The following CSMD1 variants were observed in gnomAD, a reference collection of about 807,000 sequenced individuals.
CSMD1 encodes CUB and Sushi multiple domains 1.
In CSMD1, 213 loss-of-function variants were observed where a neutral mutation model predicts 417.5. The observed-to-expected ratio is 0.51, with a 90% CI of 0.46 to 0.57. The LOEUF is 0.57. Ranked by LOEUF, CSMD1 falls within the 20% of genes least tolerant of loss-of-function variation. The pLI is 0.00. For missense variants in CSMD1, 6,923 were observed against 4,529.7 expected (o/e 1.53, Z -15.17); for synonymous variants, 2,862 against 1,736.8 (o/e 1.65, Z -16.11).
chr8:3,303,886 A>C (rs992698891), intron 25 of CSMD1, among the ~76,000 whole-genome samples: 11 of 151,998 alleles, frequency 7.2e-5, no homozygotes, highest in African/African-American at 2.7e-4. Context: ...TACATGTTAA[A>C]ATTAGAAATT....
chr8:4,664,550 G>A (rs1455163550), intron 1 of CSMD1, among the ~76,000 whole-genome samples: 2 of 152,138 alleles, frequency 1.3e-5, no homozygotes, highest in Non-Finnish European at 2.9e-5. Flanking sequence ...AATACAGCAA[G>A]AGCGTGTCTT....
chr8:3,196,940 A>G (rs1796737995), intron 33 of CSMD1, among the ~76,000 whole-genome samples: 1 of 152,102 alleles, frequency 6.6e-6, no homozygotes, highest in African/African-American at 2.4e-5. Context: ...TCCCTTTCTG[A>G]AGGGTCACTG....
rs181786408 is a variant in CSMD1, at chr8:3,024,465, G to A, written c.7855+4854C>T. On this transcript the variant is annotated intron_variant, in intron 51 of 69. Coordinates refer to ENST00000635120, the MANE Select transcript of CSMD1 (RefSeq NM_033225.6). ...GGATCACAGGTACATGCCACCACAC[G>A]GGACTAATTTTTGTATTTTTTAGTA... is the stretch of plus-strand genomic sequence containing the variant. Among the ~76,000 whole-genome samples, 450 of 152,032 alleles carry A rather than the reference G, an allele frequency of 3.0e-3. 2 individuals carry two copies. The highest frequency in any genetic ancestry group is 6.5e-3 in the Admixed American group (100 of 15,274).
At chr8:3,691,953 C>G (rs1387308463) in intron 7 of CSMD1, among the ~76,000 whole-genome samples, 3 of 152,166 alleles carry the variant, frequency 2.0e-5, no homozygotes, top group Non-Finnish European at 4.4e-5. Flanking sequence ...CAAGAGCTCT[C>G]ATTTCACTCC....
At chr8:4,132,674 A>G (rs2130985918) in intron 3 of CSMD1, among the ~76,000 whole-genome samples, 1 of 152,280 alleles carries the variant, frequency 6.6e-6, no homozygotes, top group South Asian at 2.1e-4. Flanking sequence ...GACAAACCTG[A>G]TGAGCCTCGC....
chr8:3,300,420 C>G (rs949468573), intron 25 of CSMD1, among the ~76,000 whole-genome samples: 3 of 151,982 alleles, frequency 2.0e-5, no homozygotes, highest in East Asian at 1.9e-4. Flanking sequence ...AACCATAAAC[C>G]ATGCCAAAGA....
chr8:3,743,153 C>T (rs1201837695), intron 6 of CSMD1, among the ~76,000 whole-genome samples: 3 of 152,144 alleles, frequency 2.0e-5, no homozygotes, highest in East Asian at 1.9e-4. Flanking sequence ...CTTCAGGCTC[C>T]AAAAGCCAGC....
rs191576879 is a variant in CSMD1 at position 4,180,936 on chromosome 8, C to G, written c.416-148837G>C. ...AATTTTCAAGGTGCCAAAATTGCCC[C>G]ACTCTGTTAATTAAGCCGGGGATGA... On this transcript the variant is annotated intron_variant, in intron 3 of 69. Transcript: ENST00000635120. Among the ~76,000 whole-genome samples, 407 of 152,192 alleles carry G rather than the reference C, an allele frequency of 2.7e-3. 2 individuals carry two copies. Among genetic ancestry groups the G allele is most frequent in the African/African-American group, 9.2e-3 (384 of 41,536 alleles).
chr8:4,579,363 T>A (rs1799302605), intron 2 of CSMD1, among the ~76,000 whole-genome samples: 2 of 151,744 alleles, frequency 1.3e-5, no homozygotes, highest in African/African-American at 4.8e-5. Flanking sequence ...TGTGTGTGTG[T>A]GTTTGTGTAT....
intron 3 of CSMD1, among the ~76,000 whole-genome samples, chr8:4,363,743 C>T (rs1020744612): frequency 6.6e-6 from 1 of 152,144 alleles, no homozygotes; most frequent in African/African-American, 2.4e-5. Context: ...TTGCAAAAGA[C>T]AGGATCTCAT....
chr8:3,799,545 T>C lies in CSMD1; in HGVS notation c.819-45503A>G, dbSNP rs548736613. On this transcript the variant is annotated intron_variant, in intron 5 of 69. Coordinates refer to ENST00000635120, the MANE Select transcript of CSMD1 (RefSeq NM_033225.6). Reference sequence around the variant, plus strand: ...ATTAGGTAAAATGGATGATCTAAAATATGTGACTAATAAAACCTTATCATT... The same window carrying C: ...ATTAGGTAAAATGGATGATCTAAAACATGTGACTAATAAAACCTTATCATT... 2.1e-3 allele frequency among the ~76,000 whole-genome samples: 323 copies of C among 151,784 alleles called. 1 individual carries two copies. Among genetic ancestry groups the C allele is most frequent in the African/African-American group, 7.6e-3 (315 of 41,382 alleles).
intron 5 of CSMD1, among the ~76,000 whole-genome samples, chr8:3,874,708 G>T (rs943615549): frequency 1.2e-4 from 19 of 152,108 alleles, no homozygotes; most frequent in African/African-American, 4.1e-4. Flanking sequence ...TACAACAAAT[G>T]CGACTGGCGC....
At chr8:4,921,559 A>T (rs1220669270) in intron 1 of CSMD1, among the ~76,000 whole-genome samples, 1 of 152,208 alleles carries the variant, frequency 6.6e-6, no homozygotes, top group Admixed American at 6.5e-5. Flanking sequence ...GTGAACATAG[A>T]AATTCAGATG....
intron 3 of CSMD1, among the ~76,000 whole-genome samples, chr8:4,328,068 C>G (rs562219463): frequency 2.6e-5 from 4 of 152,166 alleles, no homozygotes; most frequent in East Asian, 1.9e-4. Context: ...GCTCTGCACT[C>G]CATAATTTAC....
intron 1 of CSMD1, among the ~76,000 whole-genome samples, chr8:4,888,965 T>C (rs1803931109): frequency 1.3e-5 from 2 of 151,988 alleles, no homozygotes; most frequent in African/African-American, 4.8e-5. Context: ...ACAATATAAT[T>C]CCAATTTCCA....
Position 4,701,224 on chromosome 8 carries a change from C to G in CSMD1, c.86-63666G>C, listed in dbSNP as rs73512943. 4.9e-3 allele frequency among the ~76,000 whole-genome samples: 741 copies of G among 152,168 alleles called. 11 individuals are homozygous for G. Among genetic ancestry groups the G allele is most frequent in the African/African-American group, 0.017 (710 of 41,514 alleles). Reference sequence around the variant, plus strand: ...GTTCCCGACTGTTCTTTGCTCAGAGCTCTCTCATCACTTCTCAGGTCTGCT... The same window carrying G: ...GTTCCCGACTGTTCTTTGCTCAGAGGTCTCTCATCACTTCTCAGGTCTGCT... On this transcript the variant is annotated intron_variant, in intron 1 of 69. Transcript: ENST00000635120.
intron 3 of CSMD1, among the ~76,000 whole-genome samples, chr8:4,070,571 A>G (rs1449083106): frequency 1.3e-5 from 2 of 152,032 alleles, no homozygotes; most frequent in African/African-American, 4.8e-5. Flanking sequence ...GTTAGCCAGG[A>G]TGGTCTCGTT....
At chr8:3,304,304 T>G (rs896746900) in intron 25 of CSMD1, among the ~76,000 whole-genome samples, 3 of 152,118 alleles carry the variant, frequency 2.0e-5, no homozygotes, top group Non-Finnish European at 2.9e-5. Flanking sequence ...ACCATTGAAA[T>G]AAATAAGACT....
intron 5 of CSMD1, among the ~76,000 whole-genome samples, chr8:3,829,395 TC>T (rs1216243356): frequency 6.6e-6 from 1 of 152,200 alleles, no homozygotes; most frequent in East Asian, 1.9e-4. Context: ...GTTTCAGGTT[TC>T]AACCTACAAC....
Sources: allele counts gnomAD v4.1 joint callset (sites outside exome capture counted in the v4.1 genomes callset), GRCh38; gene constraint gnomAD v4.1.1; transcripts MANE v1.5; gene names NCBI Gene and HGNC (gene_info 2026-07-23, HGNC 2026-07-21).